The following FBXL17 variants were observed in gnomAD, a reference collection of about 807,000 sequenced individuals.
FBXL17 encodes the protein F-box/LRR-repeat protein 17.
In FBXL17, 22 loss-of-function variants were observed where a neutral mutation model predicts 66.2. The observed-to-expected ratio is 0.33, with a 90% CI of 0.24 to 0.47. FBXL17 has a LOEUF of 0.47. FBXL17 is among the 20% of genes least tolerant of loss of function. The pLI is 1.00. For missense variants in FBXL17, 878 were observed against 948.2 expected, an observed-to-expected ratio of 0.93 and a Z score of 0.97; for synonymous variants, 474 against 400.5, an observed-to-expected ratio of 1.18 and a Z score of -2.19.
At chr5:108,323,915 T>C (rs1269499539) in intron 4 of FBXL17, among the ~76,000 whole-genome samples, 2 of 151,946 alleles carry the variant, frequency 1.3e-5, no homozygotes, top group Non-Finnish European at 2.9e-5. Context: ...TTTACCTTGA[T>C]CCATATGTTA....
At chr5:107,883,108 A>G (rs1193936564) in intron 7 of FBXL17, among the ~76,000 whole-genome samples, 1 of 152,184 alleles carries the variant, frequency 6.6e-6, no homozygotes, top group East Asian at 1.9e-4. Flanking sequence ...TGAGCTCTAG[A>G]GCATTTTTGC....
At chr5:108,166,906 G>A (rs932272395) in intron 6 of FBXL17, among the ~76,000 whole-genome samples, 1 of 152,146 alleles carries the variant, frequency 6.6e-6, no homozygotes, top group African/African-American at 2.4e-5. Flanking sequence ...CATTAGATGT[G>A]TAGGTGCAGA....
chr5:107,883,769 G>C (rs1435237138), intron 7 of FBXL17, among the ~76,000 whole-genome samples: 4 of 152,156 alleles, frequency 2.6e-5, no homozygotes, highest in Non-Finnish European at 5.9e-5. Context: ...ATTGAATACA[G>C]CAACAACTGT....
At chr5:108,309,753 T>C (rs1298547001) in intron 4 of FBXL17, among the ~76,000 whole-genome samples, 1 of 152,044 alleles carries the variant, frequency 6.6e-6, no homozygotes, top group Non-Finnish European at 1.5e-5. Context: ...GATTTTTGTA[T>C]TTGGGTGGTG....
chr5:108,014,557 A>T (rs1025999598), intron 7 of FBXL17, among the ~76,000 whole-genome samples: 1 of 152,206 alleles, frequency 6.6e-6, no homozygotes, highest in Non-Finnish European at 1.5e-5. Flanking sequence ...AGACACAGTG[A>T]TAAGAGTTGT....
intron 6 of FBXL17, among the ~76,000 whole-genome samples, chr5:108,075,237 A>C (rs1041936806): frequency 6.6e-6 from 1 of 152,146 alleles, no homozygotes; most frequent in African/African-American, 2.4e-5. Context: ...ATCTAAATGA[A>C]ACTGGTCTTC....
chr5:107,979,841 T>C (rs1474141029), intron 7 of FBXL17, among the ~76,000 whole-genome samples: 1 of 152,222 alleles, frequency 6.6e-6, no homozygotes, highest in African/African-American at 2.4e-5. Flanking sequence ...AAGGTTTATT[T>C]TCATGCCTTT....
At chr5:108,334,765 T>C (rs1561535664) in intron 4 of FBXL17, among the ~76,000 whole-genome samples, 1 of 152,190 alleles carries the variant, frequency 6.6e-6, no homozygotes, top group Non-Finnish European at 1.5e-5. Context: ...ACACAATACA[T>C]TGTAATTCAA....
chr5:107,926,385 T>C (rs1750524824), intron 7 of FBXL17, among the ~76,000 whole-genome samples: 1 of 152,090 alleles, frequency 6.6e-6, no homozygotes, highest in Non-Finnish European at 1.5e-5. Flanking sequence ...GCTAACATAT[T>C]TGACCTCCCC....
intron 7 of FBXL17, among the ~76,000 whole-genome samples, chr5:107,971,714 C>T (rs141348299): frequency 2.0e-4 from 31 of 152,230 alleles, no homozygotes; most frequent in Middle Eastern, 3.4e-3. Context: ...GTGAAACAAA[C>T]GTTTTCATGT....
intron 7 of FBXL17, among the ~76,000 whole-genome samples, chr5:107,912,704 A>C (rs1398515658): frequency 6.6e-6 from 1 of 152,154 alleles, no homozygotes; most frequent in Admixed American, 6.6e-5. Context: ...AAGAGAAGAG[A>C]GGATTAGGAG....
chr5:108,116,751 T>A (rs5010690), intron 6 of FBXL17, among the ~76,000 whole-genome samples: 77,615 of 151,464 alleles, frequency 0.51, 20,636 homozygotes, highest in South Asian at 0.77. Flanking sequence ...TATGTGCACA[T>A]AATTTCTTAT....
intron 6 of FBXL17, among the ~76,000 whole-genome samples, chr5:108,132,840 C>T (rs1381014905): frequency 1.3e-5 from 2 of 152,190 alleles, no homozygotes; most frequent in Admixed American, 6.5e-5. Flanking sequence ...AGCTCTCACC[C>T]ACACTCCATA....
Position 108,195,404 on chromosome 5 carries a change from T to C in FBXL17, c.1615-9157A>G, listed in dbSNP as rs910303360. Among the ~76,000 whole-genome samples the C allele has an allele frequency of 5.3e-5, 8 of 152,016 alleles. No individual in the cohort carries two copies. The East Asian group carries it at 1.5e-3, about 29-fold the overall frequency. The stretch of plus-strand genomic sequence containing the variant: ...TTAGGACAGTGCAAAGGCCCTGAGA[T>C]GGAAACTGTCCCAGCACTTTGGAAG... On this transcript the variant is annotated intron_variant, in intron 5 of 8. Coordinates refer to ENST00000542267, the MANE Select transcript of FBXL17 (RefSeq NM_001163315.3).
intron 7 of FBXL17, among the ~76,000 whole-genome samples, chr5:108,013,780 C>T (rs74514934): frequency 0.022 from 3,302 of 152,234 alleles, 149 homozygotes; most frequent in East Asian, 0.19. Flanking sequence ...GGCTGATTTC[C>T]TACCCAATGC....
chr5:107,988,287 C>CT (rs1753100289), intron 7 of FBXL17, among the ~76,000 whole-genome samples: 1 of 151,950 alleles, frequency 6.6e-6, no homozygotes, highest in African/African-American at 2.4e-5. Flanking sequence ...TTCATTACCA[C>CT]TTTTTTTCTA....
chr5:108,274,688 TAG>T (rs1757413871), intron 4 of FBXL17, among the ~76,000 whole-genome samples: 1 of 152,164 alleles, frequency 6.6e-6, no homozygotes, highest in South Asian at 2.1e-4. Context: ...AATTTATGTT[TAG>T]AGATTGTAGT....
intron 3 of FBXL17, among the ~76,000 whole-genome samples, chr5:108,355,471 C>T (rs1363589618): frequency 2.0e-5 from 3 of 151,780 alleles, no homozygotes; most frequent in African/African-American, 7.3e-5. Context: ...TTAGTAGAGA[C>T]GGGGTTTTGC....
At chr5:108,284,596 G>A (rs1172712464) in intron 4 of FBXL17, among the ~76,000 whole-genome samples, 2 of 151,726 alleles carry the variant, frequency 1.3e-5, no homozygotes, top group African/African-American at 4.8e-5. Flanking sequence ...TAGTTAATAG[G>A]TACAATGTAG....
Sources: allele counts gnomAD v4.1 joint callset (sites outside exome capture counted in the v4.1 genomes callset), GRCh38; gene constraint gnomAD v4.1.1; transcripts MANE v1.5; gene names NCBI Gene and HGNC (gene_info 2026-07-23, HGNC 2026-07-21).